Variants in SPHKAP observed in about 807,000 individuals in gnomAD.
The protein encoded by SPHKAP is A-kinase anchor protein SPHKAP.
In SPHKAP, 67 loss-of-function variants were observed where a neutral mutation model predicts 137.5. The ratio of observed to expected loss-of-function variants is 0.49; its 90% CI spans 0.40 to 0.60. The LOEUF is 0.60. Among genes scored for constraint, SPHKAP ranks in the 20% least tolerant of loss-of-function variants. The probability of loss-of-function intolerance (pLI) is 0.00; values close to 1 mark genes in which losing one functional copy is unlikely to be tolerated. For synonymous variants in SPHKAP, 813 were observed against 785.3 expected (o/e 1.04, Z -0.59); for missense variants, 2,097 against 2,069.3 (o/e 1.01, Z -0.26).
At chr2:228,070,313 G>A (rs1219885131) in intron 3 of SPHKAP, among the ~76,000 whole-genome samples, 2 of 152,184 alleles carry the variant, frequency 1.3e-5, no homozygotes, top group Non-Finnish European at 2.9e-5. Context: ...AAGAGGAAGT[G>A]TTGGTCCTAC....
intron 3 of SPHKAP, among the ~76,000 whole-genome samples, chr2:228,088,619 G>A (rs1697618553): frequency 6.6e-6 from 1 of 152,200 alleles, no homozygotes; most frequent in Admixed American, 6.5e-5. Flanking sequence ...TCCAATGTTG[G>A]AGAAGGAGCC....
At position 227,991,000 on chromosome 2, in the gene SPHKAP, C is replaced by A; in HGVS notation, c.4959G>T (p.Lys1653Asn). Residue 1653 changes from lysine to asparagine, a missense_variant and splice_region_variant, in exon 11 of 12, where the codon AAG becomes AAT. By Grantham distance (94) the Lys-to-Asn change is moderately conservative. Transcript: ENST00000392056. ...GTTTTCCAAACCTGGTACATGATAC[C>A]TTTTCAATTCTGTTTTCCTGAGATT... The part of the protein sequence containing the change: ...FKKSQENRIE[K>N]FLDVVQLVHR... The A allele has an allele frequency of 6.2e-7, 1 of 1,613,544 alleles. No homozygotes were observed. Among genetic ancestry groups the A allele is most frequent in the Non-Finnish European group, 8.5e-7 (1 of 1,179,618 alleles).
chr2:228,036,219 A>G (rs1434649529), intron 3 of SPHKAP, among the ~76,000 whole-genome samples: 4 of 151,528 alleles, frequency 2.6e-5, no homozygotes, highest in South Asian at 2.1e-4. Context: ...AAAAGTGGGC[A>G]AAGGATATGA....
In SPHKAP at chr2:228,125,130, A is replaced by G. The variant is rs185232062; in HGVS notation, c.138+6850T>C. Among the ~76,000 whole-genome samples the G allele has an allele frequency of 1.9e-3, 294 of 152,294 alleles. 2 individuals are homozygous for G. The highest frequency in any genetic ancestry group is 6.8e-3 in the African/African-American group (284 of 41,554). Reference sequence around the variant, plus strand: ...ATTAACATGACATGAAAAGAGAGGGATATTCCAGGTGTTGATTTTTCTCCA... The same window carrying G: ...ATTAACATGACATGAAAAGAGAGGGGTATTCCAGGTGTTGATTTTTCTCCA... On this transcript the variant is annotated intron_variant, in intron 2 of 11. Coordinates refer to ENST00000392056, the MANE Select transcript of SPHKAP (RefSeq NM_001142644.2).
At position 228,018,267 on chromosome 2, in the gene SPHKAP, GGGACCTTTGTCCTTC is replaced by G. The variant is rs1393087986; in HGVS notation, c.2572_2586del (p.Glu858_Ser862del). On this transcript the variant is annotated inframe_deletion, in exon 7 of 12. Coordinates refer to ENST00000392056, the MANE Select transcript of SPHKAP (RefSeq NM_001142644.2). ...CCACTTCTGGACTGGCTGACCGTTG[GGGACCTTTGTCCTTC>G]GGAAGAGGCTCTGCATTCATTCTCA... The G allele has an allele frequency of 6.2e-7, 1 of 1,614,136 alleles. No homozygotes were observed. Among genetic ancestry groups the G allele is most frequent in the South Asian group, 1.1e-5 (1 of 91,074 alleles).
At chr2:228,067,492 C>G (rs746747680) in intron 3 of SPHKAP, among the ~76,000 whole-genome samples, 4 of 152,128 alleles carry the variant, frequency 2.6e-5, no homozygotes, top group Non-Finnish European at 5.9e-5. Context: ...ATAGGCTCTC[C>G]GGAGGGCTGA....
At chr2:228,073,743 T>G (rs1476799071) in intron 3 of SPHKAP, among the ~76,000 whole-genome samples, 1 of 152,218 alleles carries the variant, frequency 6.6e-6, no homozygotes, top group East Asian at 1.9e-4. Context: ...TCACTCCACT[T>G]TATCTGCTAA....
chr2:228,083,938 G>T (rs1574834296), intron 3 of SPHKAP, among the ~76,000 whole-genome samples: 2 of 151,994 alleles, frequency 1.3e-5, no homozygotes, highest in South Asian at 4.1e-4. Flanking sequence ...GTTGTGGGGT[G>T]CAGGGCAAGG....
At position 228,153,435 on chromosome 2, in the gene SPHKAP, T is replaced by TAA. The variant is rs1165894055; in HGVS notation, c.33-21351_33-21350insTT. Among the ~76,000 whole-genome samples, 3 of 152,356 alleles carry TAA rather than the reference T, an allele frequency of 2.0e-5. No individual in the cohort carries two copies. In the South Asian group the frequency reaches 6.2e-4, roughly 32 times the overall value. On this transcript the variant is annotated intron_variant, in intron 1 of 11. Transcript: ENST00000392056. The stretch of plus-strand genomic sequence containing the variant: ...AGTGAGAAGTAACTTTCTCAGTTTT[T>TAA]GTCTGTATAAAAATATCTTTAGTTA...
At chr2:228,158,284 A>G (rs1420377057) in intron 1 of SPHKAP, among the ~76,000 whole-genome samples, 2 of 151,896 alleles carry the variant, frequency 1.3e-5, no homozygotes. Flanking sequence ...TGGAAATACA[A>G]TACACATATA....
At chr2:227,991,581 T>C (rs1693417272) in intron 9 of SPHKAP, 1 of 985,294 alleles carries the variant, frequency 1.0e-6, no homozygotes, top group Non-Finnish European at 1.2e-6. Context: ...GGATAGCTGG[T>C]GTGGGAGACT....
intron 1 of SPHKAP, among the ~76,000 whole-genome samples, chr2:228,134,120 G>A (rs1355484621): frequency 2.0e-5 from 2 of 100,012 alleles, no homozygotes; most frequent in Non-Finnish European, 4.2e-5. Flanking sequence ...AAGGGAGAGA[G>A]AGAGAGAAAG....
chr2:228,150,818 A>ATGG (rs903784927), intron 1 of SPHKAP, among the ~76,000 whole-genome samples: 68 of 151,984 alleles, frequency 4.5e-4, no homozygotes, highest in African/African-American at 1.5e-3. Context: ...TGGTGCCATC[A>ATGG]TGGCTCATCA....
At chr2:228,045,004 T>G (rs1695982071) in intron 3 of SPHKAP, among the ~76,000 whole-genome samples, 1 of 152,098 alleles carries the variant, frequency 6.6e-6, no homozygotes, top group East Asian at 1.9e-4. Flanking sequence ...AAAATGCTCA[T>G]CATCACTGGC....
At chr2:228,081,787 G>A (rs1417940964) in intron 3 of SPHKAP, among the ~76,000 whole-genome samples, 1 of 152,170 alleles carries the variant, frequency 6.6e-6, no homozygotes, top group African/African-American at 2.4e-5. Context: ...ACCAGGGGCT[G>A]AGAATGAGGG....
chr2:228,179,719 G>A (rs551338755), intron 1 of SPHKAP, among the ~76,000 whole-genome samples: 2 of 152,304 alleles, frequency 1.3e-5, no homozygotes, highest in African/African-American at 4.8e-5. Flanking sequence ...AAGATACAGA[G>A]CAATATCATC....
chr2:228,065,286 A>C (rs911146935), intron 3 of SPHKAP, among the ~76,000 whole-genome samples: 9 of 152,310 alleles, frequency 5.9e-5, no homozygotes, highest in South Asian at 4.1e-4. Context: ...ACAGCCACAG[A>C]CTAGTTTATT....
At chr2:228,086,997 A>T (rs1432627017) in intron 3 of SPHKAP, among the ~76,000 whole-genome samples, 1 of 152,210 alleles carries the variant, frequency 6.6e-6, no homozygotes, top group East Asian at 1.9e-4. Context: ...TGAGCAATTT[A>T]TAGCCCAGGG....
intron 3 of SPHKAP, among the ~76,000 whole-genome samples, chr2:228,067,555 G>C (rs769535911): frequency 6.6e-6 from 1 of 152,122 alleles, no homozygotes; most frequent in Non-Finnish European, 1.5e-5. Flanking sequence ...ATATAACTAG[G>C]GGCCTCTGGT....
Sources: gnomAD v4.1 joint callset for allele counts (sites outside exome capture counted in the v4.1 genomes callset) on GRCh38, gnomAD v4.1.1 for gene constraint, MANE v1.5 for transcripts, NCBI Gene and HGNC (gene_info 2026-07-23, HGNC 2026-07-21) for gene names.